XYLT1: variants seen among roughly 807,000 people sequenced by gnomAD.
XYLT1 encodes xylosyltransferase 1, also known as beta-D-xylosyltransferase 1.
XYLT1 carries 36 observed loss-of-function variants against 91.3 expected under a neutral mutation model. That is an observed-to-expected ratio of 0.39 (90% confidence interval 0.30 to 0.52). The LOEUF (loss-of-function observed/expected upper bound fraction) is 0.52, where lower values mean the gene tolerates loss of function less well. XYLT1 is among the 20% of genes least tolerant of loss of function. The pLI is 0.68. For missense variants in XYLT1, 1,242 were observed against 1,284.5 expected (o/e 0.97, Z 0.51); for synonymous variants, 588 against 532.0 (o/e 1.11, Z -1.45).
chr16:17,246,670 C>T (rs1174180059), intron 3 of XYLT1, among the ~76,000 whole-genome samples: 1 of 152,212 alleles, frequency 6.6e-6, no homozygotes, highest in African/African-American at 2.4e-5. Context: ...TGAGATCACA[C>T]ATGCAAAGTG....
chr16:17,283,999 T>C (rs2034096775), intron 2 of XYLT1, among the ~76,000 whole-genome samples: 1 of 152,192 alleles, frequency 6.6e-6, no homozygotes, highest in African/African-American at 2.4e-5. Flanking sequence ...GGTCCCCTGG[T>C]CCTCACAGTT....
intron 3 of XYLT1, 143 bp downstream of exon 3, chr16:17,258,845 C>T: frequency 9.3e-7 from 1 of 1,074,736 alleles, no homozygotes; most frequent in Non-Finnish European, 1.2e-6. Flanking sequence ...TACTAGAACA[C>T]ATCAGATCTC....
intron 1 of XYLT1, among the ~76,000 whole-genome samples, chr16:17,458,493 T>A (rs2036773752): frequency 6.6e-6 from 1 of 152,116 alleles, no homozygotes; most frequent in Admixed American, 6.5e-5. Flanking sequence ...AATGCAGACA[T>A]CAGAGAGGGC....
In XYLT1 at chr16:17,377,121, G is replaced by A. The variant is rs534830274; in HGVS notation, c.364-19071C>T. Among the ~76,000 whole-genome samples, 5 of 148,516 alleles carry A rather than the reference G, an allele frequency of 3.4e-5. No individual in the cohort carries two copies. In the South Asian group the frequency reaches 1.0e-3, roughly 31 times the overall value. On this transcript the variant is annotated intron_variant, in intron 1 of 11. Coordinates refer to ENST00000261381, the MANE Select transcript of XYLT1 (RefSeq NM_022166.4). ...GAACCCGGAAGGTGGAGGGTGCAGT[G>A]AGCCAAGATCGCACCACTGCACTCC...
chr16:17,251,521 C>T (rs896839032), intron 3 of XYLT1: 1 of 152,212 alleles, frequency 6.6e-6, no homozygotes, highest in Non-Finnish European at 1.5e-5. Context: ...CTTAACCAGA[C>T]CCAGCAAAGG....
chr16:17,197,508 C>A (rs2032453259), intron 5 of XYLT1, among the ~76,000 whole-genome samples: 1 of 152,160 alleles, frequency 6.6e-6, no homozygotes, highest in South Asian at 2.1e-4. Flanking sequence ...AGTACTGTTT[C>A]TGGCCATGTC....
chr16:17,173,585 A>G (rs950890511), intron 5 of XYLT1, among the ~76,000 whole-genome samples: 1 of 152,286 alleles, frequency 6.6e-6, no homozygotes, highest in African/African-American at 2.4e-5. Context: ...CTCAATGCAC[A>G]CAGGGACAAA....
At chr16:17,441,323 C>CACACAGGG (rs2036529046) in intron 1 of XYLT1, among the ~76,000 whole-genome samples, 1 of 151,714 alleles carries the variant, frequency 6.6e-6, no homozygotes, top group Non-Finnish European at 1.5e-5. Flanking sequence ...TTTGTTTGGC[C>CACACAGGG]ACACAGGGTG....
intron 1 of XYLT1, among the ~76,000 whole-genome samples, chr16:17,429,914 G>C (rs1042875274): frequency 2.0e-5 from 3 of 150,912 alleles, no homozygotes; most frequent in Non-Finnish European, 4.4e-5. Flanking sequence ...ATAATCATGG[G>C]AGCCAATTCC....
At chr16:17,441,855 A>G (rs572608244) in intron 1 of XYLT1, among the ~76,000 whole-genome samples, 4 of 152,280 alleles carry the variant, frequency 2.6e-5, no homozygotes, top group Admixed American at 2.0e-4. Context: ...GAGCTTCCAG[A>G]GCTTAAACGT....
intron 2 of XYLT1, among the ~76,000 whole-genome samples, chr16:17,327,361 C>CTTT (rs138879762): frequency 1.9e-5 from 2 of 108,070 alleles, no homozygotes; most frequent in African/African-American, 3.5e-5. Flanking sequence ...TTTCTTTTTT[C>CTTT]TTTTTTTTTT....
chr16:17,445,798 C>A (rs1567205861), intron 1 of XYLT1: 2 of 152,194 alleles, frequency 1.3e-5, no homozygotes, highest in South Asian at 4.1e-4. Flanking sequence ...AGCGCTTGTT[C>A]TCAGGGGCAC....
intron 2 of XYLT1, among the ~76,000 whole-genome samples, chr16:17,300,346 A>G (rs1290990408): frequency 6.6e-6 from 1 of 151,926 alleles, no homozygotes; most frequent in African/African-American, 2.4e-5. Flanking sequence ...TTAATTGCCA[A>G]AGACTAGAAA....
At chr16:17,170,837 T>C (rs2031804510) in intron 5 of XYLT1, among the ~76,000 whole-genome samples, 1 of 152,226 alleles carries the variant, frequency 6.6e-6, no homozygotes, top group Non-Finnish European at 1.5e-5. Flanking sequence ...TTTGCAGTGG[T>C]TAAAATAATG....
At position 17,365,388 on chromosome 16, in the gene XYLT1, G is replaced by A. The variant is rs1191810569; in HGVS notation, c.364-7338C>T. On this transcript the variant is annotated intron_variant, in intron 1 of 11. Transcript: ENST00000261381. Reference sequence around the variant, plus strand: ...AGGGCAGGCGGCATGGGGTGATGAGGGAGGGATGCCAGTGATACAGAGGTG... The same window carrying A: ...AGGGCAGGCGGCATGGGGTGATGAGAGAGGGATGCCAGTGATACAGAGGTG... 4.6e-5 allele frequency among the ~76,000 whole-genome samples: 7 copies of A among 152,132 alleles called. No homozygotes were observed. In the East Asian group the frequency reaches 9.6e-4, roughly 21 times the overall value.
At chr16:17,132,425 A>G (rs1274080922) in intron 9 of XYLT1, among the ~76,000 whole-genome samples, 2 of 152,162 alleles carry the variant, frequency 1.3e-5, no homozygotes, top group East Asian at 1.9e-4. Context: ...AAATACAGGG[A>G]GAGAACAAGG....
At chr16:17,179,034 A>C (rs2032006234) in intron 5 of XYLT1, among the ~76,000 whole-genome samples, 1 of 151,564 alleles carries the variant, frequency 6.6e-6, no homozygotes, top group Non-Finnish European at 1.5e-5. Flanking sequence ...GTGCCACTGC[A>C]CTCCAGCCAG....
intron 1 of XYLT1, among the ~76,000 whole-genome samples, chr16:17,367,497 G>A (rs1383288814): frequency 1.3e-5 from 2 of 152,210 alleles, no homozygotes; most frequent in Non-Finnish European, 2.9e-5. Context: ...CAAGATGGCA[G>A]GTGGCCCAAC....
At chr16:17,317,597 T>C (rs917628695) in intron 2 of XYLT1, among the ~76,000 whole-genome samples, 1 of 114,686 alleles carries the variant, frequency 8.7e-6, no homozygotes, top group African/African-American at 3.5e-5. Context: ...ACCACTGCAC[T>C]CCAGCCTGGG....
Sources: allele counts gnomAD v4.1 joint callset (sites outside exome capture counted in the v4.1 genomes callset), GRCh38; gene constraint gnomAD v4.1.1; transcripts MANE v1.5; gene names NCBI Gene and HGNC (gene_info 2026-07-23, HGNC 2026-07-21).